The following ASCC3 variants were observed in gnomAD, a reference collection of about 807,000 sequenced individuals.
The protein encoded by ASCC3 is activating signal cointegrator 1 complex subunit 3, also known as ASC-1 complex subunit P200.
ASCC3 carries 158 observed loss-of-function variants against 256.3 expected under a neutral mutation model. The observed-to-expected ratio is 0.62, with a 90% CI of 0.54 to 0.70. The LOEUF is 0.70. Ranked by LOEUF, ASCC3 falls within the 30% of genes least tolerant of loss-of-function variation. The pLI is 0.00. For synonymous variants in ASCC3, 948 were observed against 883.4 expected (o/e 1.07, Z -1.30); for missense variants, 2,259 against 2,626.0 (o/e 0.86, Z 3.05).
chr6:100,833,408 A>C (rs988045672), intron 4 of ASCC3, among the ~76,000 whole-genome samples: 2 of 152,176 alleles, frequency 1.3e-5, no homozygotes. Flanking sequence ...GTCAAGGCCC[A>C]TACAATGTAT....
At chr6:100,825,358 T>C (rs1469872767) in intron 4 of ASCC3, among the ~76,000 whole-genome samples, 4 of 152,052 alleles carry the variant, frequency 2.6e-5, no homozygotes, top group Admixed American at 6.6e-5. Context: ...AAGTTTTTTT[T>C]CCCTAGGTAA....
At chr6:100,863,987 A>G in intron 3 of ASCC3, 77 bp downstream of exon 3, 1 of 1,240,748 alleles carries the variant, frequency 8.1e-7, no homozygotes, top group Non-Finnish European at 1.1e-6. Context: ...TTTACATAGT[A>G]TGTTGTTTAC....
At chr6:100,559,297 C>T (rs967123661) in intron 36 of ASCC3, among the ~76,000 whole-genome samples, 3 of 152,120 alleles carry the variant, frequency 2.0e-5, no homozygotes, top group Non-Finnish European at 2.9e-5. Context: ...CCTGACTTAA[C>T]AAACTTACTC....
chr6:100,652,484 C>T (rs1175669913), intron 18 of ASCC3, among the ~76,000 whole-genome samples: 1 of 152,102 alleles, frequency 6.6e-6, no homozygotes, highest in African/African-American at 2.4e-5. Flanking sequence ...TGTGCCTTGA[C>T]TATTTAGGCT....
intron 20 of ASCC3, among the ~76,000 whole-genome samples, chr6:100,649,122 T>G (rs976760803): frequency 6.6e-6 from 1 of 151,822 alleles, no homozygotes; most frequent in Non-Finnish European, 1.5e-5. Flanking sequence ...AAATCCATAA[T>G]GGCTGTTTAA....
chr6:100,717,052 CA>C (rs1324839094), intron 12 of ASCC3, among the ~76,000 whole-genome samples: 1 of 151,738 alleles, frequency 6.6e-6, no homozygotes, highest in Non-Finnish European at 1.5e-5. Flanking sequence ...GCACTTGAAA[CA>C]ATTATGAAGC....
At chr6:100,651,522 T>C (rs1319996792) in intron 19 of ASCC3, 38 bp downstream of exon 19, 1 of 1,184,808 alleles carries the variant, frequency 8.4e-7, no homozygotes. Context: ...AATGCATACA[T>C]GTTGTATGCA....
intron 8 of ASCC3, among the ~76,000 whole-genome samples, chr6:100,795,078 C>T (rs897496287): frequency 1.1e-4 from 17 of 151,960 alleles, no homozygotes; most frequent in African/African-American, 3.9e-4. Context: ...TCAGTAAGAA[C>T]GCCATTCACA....
chr6:100,589,630 TC>T lies in ASCC3; in HGVS notation c.5550+3del, dbSNP rs779694397. On this transcript the variant is annotated splice_donor_region_variant and intron_variant, in intron 36 of 41. Coordinates refer to ENST00000369162, the MANE Select transcript of ASCC3 (RefSeq NM_006828.4). ...AGAAGATATGAAATATATGAAAAACTCACACTTAGAATTGAAAGCAGTTCTT... is the reference window on the plus strand; with the variant it reads ...AGAAGATATGAAATATATGAAAAACTACACTTAGAATTGAAAGCAGTTCTT... The T allele has an allele frequency of 6.2e-7, 1 of 1,613,094 alleles. No individual in the cohort carries two copies.
At chr6:100,752,430 A>G (rs1051278575) in intron 10 of ASCC3, among the ~76,000 whole-genome samples, 1 of 152,150 alleles carries the variant, frequency 6.6e-6, no homozygotes, top group Non-Finnish European at 1.5e-5. Flanking sequence ...TACATTTCCA[A>G]CTTACTCTAG....
chr6:100,742,186 AG>A (rs778883515), intron 10 of ASCC3, among the ~76,000 whole-genome samples: 2 of 152,142 alleles, frequency 1.3e-5, no homozygotes, highest in Non-Finnish European at 2.9e-5. Context: ...TCATACCTGG[AG>A]GTATCACCAG....
At chr6:100,640,303 T>C (rs1775057878) in intron 24 of ASCC3, among the ~76,000 whole-genome samples, 1 of 152,186 alleles carries the variant, frequency 6.6e-6, no homozygotes, top group Non-Finnish European at 1.5e-5. Context: ...TAGTGAAAGA[T>C]GAAGGTTTTT....
At chr6:100,697,545 TAA>T (rs35793750) in intron 13 of ASCC3, among the ~76,000 whole-genome samples, 33 of 149,430 alleles carry the variant, frequency 2.2e-4, no homozygotes, top group Admixed American at 6.7e-4. Context: ...GTAACTGTAT[TAA>T]AAAAAAAAAC....
At chr6:100,542,140 G>T (rs77430451) in intron 36 of ASCC3, among the ~76,000 whole-genome samples, 2,694 of 152,264 alleles carry the variant, frequency 0.018, 74 homozygotes, top group African/African-American at 0.062. Context: ...GGTCTAATTT[G>T]ATATAAACTA....
chr6:100,840,932 T>C (rs1772113901), intron 4 of ASCC3, among the ~76,000 whole-genome samples: 1 of 151,372 alleles, frequency 6.6e-6, no homozygotes, highest in Admixed American at 6.6e-5. Flanking sequence ...TTTCCATCAC[T>C]ATACTGAAAA....
At chr6:100,558,401 C>T (rs1236534463) in intron 36 of ASCC3, among the ~76,000 whole-genome samples, 1 of 152,056 alleles carries the variant, frequency 6.6e-6, no homozygotes, top group East Asian at 1.9e-4. Context: ...TTTGTAAATA[C>T]ATTGCTTAAA....
chr6:100,634,285 C>G (rs189799129), intron 25 of ASCC3, among the ~76,000 whole-genome samples: 1 of 152,116 alleles, frequency 6.6e-6, no homozygotes, highest in East Asian at 1.9e-4. Context: ...TATGTGAAAC[C>G]ACATTATATA....
intron 37 of ASCC3, among the ~76,000 whole-genome samples, chr6:100,523,418 A>G (rs1415956685): frequency 6.6e-6 from 1 of 152,182 alleles, no homozygotes; most frequent in East Asian, 1.9e-4. Context: ...TATACTAAGC[A>G]GGAAATAAGC....
At chr6:100,789,086 T>A in intron 8 of ASCC3, among the ~76,000 whole-genome samples, 1 of 147,218 alleles carries the variant, frequency 6.8e-6, no homozygotes, top group Non-Finnish European at 1.5e-5. Flanking sequence ...TACAACAAAA[T>A]GAGGGGAGGA....
Sources: allele counts gnomAD v4.1 joint callset (sites outside exome capture counted in the v4.1 genomes callset), GRCh38; gene constraint gnomAD v4.1.1; transcripts MANE v1.5; gene names NCBI Gene and HGNC (gene_info 2026-07-23, HGNC 2026-07-21).